The following ZNF892 variants were observed in gnomAD, a reference collection of about 807,000 sequenced individuals.
The protein encoded by ZNF892 is zinc finger protein 892, also known as zinc finger protein 570-like.
At chr2:95,256,478 G>A in the ZNF892 span, among the ~76,000 whole-genome samples, 2 of 152,292 alleles carry the variant, frequency 1.3e-5, no homozygotes, top group Non-Finnish European at 2.9e-5. Flanking sequence ...TGGGTAACCC[G>A]ACTTTTCTCT....
At chr2:95,233,401 C>T in the ZNF892 span, among the ~76,000 whole-genome samples, 8 of 151,440 alleles carry the variant, frequency 5.3e-5, no homozygotes, top group South Asian at 8.3e-4. Flanking sequence ...CGGCCGGGCG[C>T]GGTGGCTCAC....
chr2:95,256,835 A>C, the ZNF892 span, among the ~76,000 whole-genome samples: 2 of 151,890 alleles, frequency 1.3e-5, no homozygotes, highest in African/African-American at 4.8e-5. Flanking sequence ...ATCTTCCATC[A>C]CTGATACCCT....
the ZNF892 span, among the ~76,000 whole-genome samples, chr2:95,225,921 C>T: frequency 1.3e-5 from 2 of 152,220 alleles, no homozygotes; most frequent in Non-Finnish European, 2.9e-5. Context: ...AGAGGAGATC[C>T]TAAGCAAGTC....
At chr2:95,225,140 G>A in the ZNF892 span, among the ~76,000 whole-genome samples, 1 of 152,038 alleles carries the variant, frequency 6.6e-6, no homozygotes, top group African/African-American at 2.4e-5. Context: ...GTTTTCATAA[G>A]GTTTATGTTA....
the ZNF892 span, among the ~76,000 whole-genome samples, chr2:95,224,140 T>G: frequency 4.6e-5 from 7 of 152,256 alleles, no homozygotes. Flanking sequence ...AGAAATCATT[T>G]ATTGTTGTTT....
the ZNF892 span, among the ~76,000 whole-genome samples, chr2:95,206,591 T>A: frequency 6.6e-6 from 1 of 152,232 alleles, no homozygotes; most frequent in African/African-American, 2.4e-5. Flanking sequence ...CGGTACCAGG[T>A]GCAAGGCTTT....
chr2:95,218,670 A>G, the ZNF892 span, among the ~76,000 whole-genome samples: 1 of 152,206 alleles, frequency 6.6e-6, no homozygotes, highest in Non-Finnish European at 1.5e-5. Flanking sequence ...TGCCATAACA[A>G]AAATCCGTAG....
chr2:95,231,044 T>A, the ZNF892 span, among the ~76,000 whole-genome samples: 1 of 152,228 alleles, frequency 6.6e-6, no homozygotes, highest in South Asian at 2.1e-4. Flanking sequence ...TGATAATTTC[T>A]TATAAAGATA....
At chr2:95,216,745 G>A in the ZNF892 span, among the ~76,000 whole-genome samples, 38 of 151,966 alleles carry the variant, frequency 2.5e-4, no homozygotes, top group African/African-American at 9.2e-4. Flanking sequence ...CCCTGTTTGG[G>A]GTTTGCTTAG....
the ZNF892 span, among the ~76,000 whole-genome samples, chr2:95,239,441 C>T: frequency 6.6e-6 from 1 of 152,164 alleles, no homozygotes; most frequent in East Asian, 1.9e-4. Flanking sequence ...GCATGCTACA[C>T]AGATATTTTG....
At chr2:95,244,049 C>T in the ZNF892 span, among the ~76,000 whole-genome samples, 1 of 150,830 alleles carries the variant, frequency 6.6e-6, no homozygotes, top group Non-Finnish European at 1.5e-5. Flanking sequence ...TACCCCCAAC[C>T]CTGTGCTCTC....
At chr2:95,208,496 G>A in the ZNF892 span, among the ~76,000 whole-genome samples, 1 of 152,186 alleles carries the variant, frequency 6.6e-6, no homozygotes, top group Admixed American at 6.5e-5. Flanking sequence ...AGACAGCAAT[G>A]GTCAAGGTGT....
the ZNF892 span, among the ~76,000 whole-genome samples, chr2:95,232,943 A>C: frequency 1.3e-5 from 2 of 152,078 alleles, no homozygotes; most frequent in East Asian, 3.9e-4. Context: ...GGCCTGTTGA[A>C]TTCTTGGCAA....
chr2:95,230,530 T>A, the ZNF892 span, among the ~76,000 whole-genome samples: 1 of 152,222 alleles, frequency 6.6e-6, no homozygotes, highest in African/African-American at 2.4e-5. Flanking sequence ...GGAAGTTCTT[T>A]ATCTGTATTC....
chr2:95,256,360 G>A, the ZNF892 span, among the ~76,000 whole-genome samples: 1 of 152,154 alleles, frequency 6.6e-6, no homozygotes, highest in Non-Finnish European at 1.5e-5. Context: ...TGAAATTCTG[G>A]GTTGAAAATT....
At chr2:95,249,235 T>A in the ZNF892 span, among the ~76,000 whole-genome samples, 622 of 63,226 alleles carry the variant, frequency 9.8e-3, 1 homozygote, top group African/African-American at 0.034. Context: ...ATATATATTT[T>A]TTTTTTTTTT....
chr2:95,207,871 T>C, the ZNF892 span: 1 of 398,608 alleles, frequency 2.5e-6, no homozygotes, highest in Non-Finnish European at 4.4e-6. Context: ...TGGTGCCCGC[T>C]GCAGAGGGAG....
chr2:95,208,729 G>T, the ZNF892 span: 2 of 398,470 alleles, frequency 5.0e-6, no homozygotes, highest in Non-Finnish European at 8.8e-6. Context: ...CTGACCCCTG[G>T]GTCCCAAGTA....
the ZNF892 span, among the ~76,000 whole-genome samples, chr2:95,220,013 A>C: frequency 5.9e-5 from 9 of 152,150 alleles, no homozygotes; most frequent in Non-Finnish European, 1.2e-4. Context: ...CTGACCCCCC[A>C]CTTGGCTTCC....
Sources: gnomAD v4.1 joint callset for allele counts (sites outside exome capture counted in the v4.1 genomes callset) on GRCh38, gnomAD v4.1.1 for gene constraint, MANE v1.5 for transcripts, NCBI Gene and HGNC (gene_info 2026-07-23, HGNC 2026-07-21) for gene names.